The following ATG4C variants were observed in gnomAD, a reference collection of about 807,000 sequenced individuals.
The protein encoded by ATG4C is cysteine protease ATG4C.
In ATG4C, 56 loss-of-function variants were observed where a neutral mutation model predicts 57.6. That is an observed-to-expected ratio of 0.97 (90% CI 0.78 to 1.21). The LOEUF (loss-of-function observed/expected upper bound fraction) is 1.21, where lower values mean the gene tolerates loss of function less well. Ranked by LOEUF, ATG4C falls within the 50% of genes most tolerant of loss-of-function variation. ATG4C has a pLI of 0.00. For missense variants in ATG4C, 595 were observed against 529.8 expected (o/e 1.12, Z -1.21); for synonymous variants, 157 against 174.1 (o/e 0.90, Z 0.78).
intron 6 of ATG4C, among the ~76,000 whole-genome samples, chr1:62,823,335 A>T (rs1265680927): frequency 6.6e-6 from 1 of 152,196 alleles, no homozygotes; most frequent in Non-Finnish European, 1.5e-5. Flanking sequence ...TAATAGTGGC[A>T]TGTCCACATA....
chr1:62,861,125 A>G (rs966896601), intron 10 of ATG4C, among the ~76,000 whole-genome samples: 163 of 152,218 alleles, frequency 1.1e-3, no homozygotes, highest in African/African-American at 3.7e-3. Flanking sequence ...CCTGTTCTAA[A>G]GTTGTTGAGC....
At chr1:62,802,243 A>C (rs116706317) in intron 1 of ATG4C, among the ~76,000 whole-genome samples, 2 of 151,860 alleles carry the variant, frequency 1.3e-5, no homozygotes, top group African/African-American at 2.4e-5. Flanking sequence ...TCAGATGTCC[A>C]TTTCTCCATC....
At chr1:62,795,481 A>G (rs1205226041) in intron 1 of ATG4C, among the ~76,000 whole-genome samples, 5 of 152,172 alleles carry the variant, frequency 3.3e-5, no homozygotes, top group African/African-American at 1.2e-4. Flanking sequence ...TTAGGAATAA[A>G]CCTCATCTGT....
rs116644726 is a variant in ATG4C at position 62,822,037 on chromosome 1, T to C, written c.796+828T>C. 5.9e-3 allele frequency among the ~76,000 whole-genome samples: 901 copies of C among 152,244 alleles called. 7 individuals are homozygous for C. Among genetic ancestry groups the C allele is most frequent in the African/African-American group, 0.021 (861 of 41,554 alleles). ...AACCTGTAGTAATTTTGAAACTTGTTGCGGATAAAATAGACACCTCAATTC... is the reference window on the plus strand; with the variant it reads ...AACCTGTAGTAATTTTGAAACTTGTCGCGGATAAAATAGACACCTCAATTC... On this transcript the variant is annotated intron_variant, in intron 6 of 10. Transcript: ENST00000317868.
intron 1 of ATG4C, among the ~76,000 whole-genome samples, chr1:62,802,970 C>G (rs957835927): frequency 1.3e-5 from 2 of 152,162 alleles, no homozygotes; most frequent in Admixed American, 1.3e-4. Context: ...TTCTGTGCAG[C>G]ATTCTTTTCT....
In ATG4C at chr1:62,864,071, C is replaced by A. The variant is rs764769386; in HGVS notation, c.1289C>A (p.Ser430Tyr). The A allele has an allele frequency of 6.2e-7, 1 of 1,603,614 alleles. No homozygotes were observed. ...NGHSRDYDFT[S>Y]TTTNEEDLFS... ...CATTCCAGAGACTATGATTTTACAT[C>A]TACTACAACCAATGAAGAAGACCTT... The change falls in exon 11 of 11, where the codon TCT becomes TAT. Residue 430 changes from serine to tyrosine, a missense_variant. Physicochemically the swap from Ser to Tyr is moderately radical, Grantham distance 144. Transcript: ENST00000317868.
Position 62,864,204 on chromosome 1 carries a change from G to A in ATG4C, c.*45G>A. 3 of 1,482,198 alleles carry A rather than the reference G, an allele frequency of 2.0e-6. No individual in the cohort carries two copies. The highest frequency in any genetic ancestry group is 2.5e-5 in the Admixed American group (1 of 40,268). The allele number at this position is 1,482,198 out of a possible 1,614,324, so 91.8% of individuals were successfully genotyped here. The stretch of plus-strand genomic sequence containing the variant: ...TGATAAGAAGAATTCCATTGAAAGG[G>A]GAAAAATGAAGAGAAACAAGTATAT... On this transcript the variant is annotated 3_prime_UTR_variant, in exon 11 of 11. Coordinates refer to ENST00000317868, the MANE Select transcript of ATG4C (RefSeq NM_032852.4).
intron 1 of ATG4C, among the ~76,000 whole-genome samples, chr1:62,796,547 T>A (rs961801896): frequency 1.3e-5 from 2 of 152,028 alleles, no homozygotes; most frequent in African/African-American, 4.8e-5. Flanking sequence ...AGAAAAAAAA[T>A]GTCTCAGCAT....
chr1:62,797,166 A>C (rs147525174), intron 1 of ATG4C, among the ~76,000 whole-genome samples: 1 of 152,194 alleles, frequency 6.6e-6, no homozygotes, highest in Non-Finnish European at 1.5e-5. Flanking sequence ...TTTTATGTAT[A>C]TATGTACATG....
intron 7 of ATG4C, among the ~76,000 whole-genome samples, chr1:62,830,271 A>G (rs1477057289): frequency 6.6e-6 from 1 of 152,138 alleles, no homozygotes; most frequent in Non-Finnish European, 1.5e-5. Flanking sequence ...TAGTAGGGTT[A>G]TTGGTGCAGT....
chr1:62,801,806 A>G (rs985434758), intron 1 of ATG4C, among the ~76,000 whole-genome samples: 3 of 151,576 alleles, frequency 2.0e-5, no homozygotes, highest in Non-Finnish European at 2.9e-5. Context: ...AAAGTACAAA[A>G]AATTAGCCGG....
chr1:62,853,374 C>A (rs58334852), intron 10 of ATG4C, among the ~76,000 whole-genome samples: 2,824 of 152,304 alleles, frequency 0.019, 84 homozygotes, highest in African/African-American at 0.065. Flanking sequence ...TCTGTAACAT[C>A]ATTATGAGGA....
At chr1:62,797,494 G>A (rs182457604) in intron 1 of ATG4C, among the ~76,000 whole-genome samples, 1 of 152,080 alleles carries the variant, frequency 6.6e-6, no homozygotes, top group Non-Finnish European at 1.5e-5. Context: ...TTGGCAGTTT[G>A]ATCTCTTGTG....
At chr1:62,832,796 C>G (rs1449314603) in intron 7 of ATG4C, among the ~76,000 whole-genome samples, 1 of 152,064 alleles carries the variant, frequency 6.6e-6, no homozygotes, top group African/African-American at 2.4e-5. Context: ...GGTTTTAAAG[C>G]ACATTTTGTT....
chr1:62,842,671 C>T (rs180813996), intron 10 of ATG4C, among the ~76,000 whole-genome samples: 42 of 151,918 alleles, frequency 2.8e-4, no homozygotes, highest in South Asian at 1.5e-3. Context: ...AAAAATAAAA[C>T]GTTTCATATA....
At chr1:62,821,093 T>C (rs1431268203) in intron 5 of ATG4C, 46 bp from the exon 6 acceptor site, 2 of 1,442,914 alleles carry the variant, frequency 1.4e-6, no homozygotes, top group Non-Finnish European at 1.9e-6. Context: ...TAGTTGCCAA[T>C]AGGAAATGTT....
At chr1:62,793,597 G>GAAAAAA (rs746057232) in intron 1 of ATG4C, among the ~76,000 whole-genome samples, 1 of 20,534 alleles carries the variant, frequency 4.9e-5, no homozygotes, top group African/African-American at 2.0e-4. Flanking sequence ...ACCTTGTCTC[G>GAAAAAA]AAAAAAAAAA....
In ATG4C at chr1:62,789,415, CA is replaced by C. The variant is rs972926301; in HGVS notation, c.-69+5144del. Among the ~76,000 whole-genome samples the C allele has an allele frequency of 6.6e-5, 10 of 152,270 alleles. No homozygotes were observed. In the East Asian group the frequency reaches 1.9e-3, roughly 29 times the overall value. ...GAGCACTTTCTTACTCCTATTTGCACAATAAGATGTTCCAGCCTCACCTTGT... is the reference window on the plus strand; with the variant it reads ...GAGCACTTTCTTACTCCTATTTGCACATAAGATGTTCCAGCCTCACCTTGT... On this transcript the variant is annotated intron_variant, in intron 1 of 10. Coordinates refer to ENST00000317868, the MANE Select transcript of ATG4C (RefSeq NM_032852.4).
At chr1:62,824,143 G>C (rs956565630) in intron 6 of ATG4C, among the ~76,000 whole-genome samples, 14 of 152,178 alleles carry the variant, frequency 9.2e-5, no homozygotes, top group African/African-American at 3.4e-4. Context: ...CATATATATT[G>C]GAAGTGAAGG....
Sources: gnomAD v4.1 joint callset for allele counts (sites outside exome capture counted in the v4.1 genomes callset) on GRCh38, gnomAD v4.1.1 for gene constraint, MANE v1.5 for transcripts, NCBI Gene and HGNC (gene_info 2026-07-23, HGNC 2026-07-21) for gene names.